Variants in DNTT observed in about 807,000 individuals in gnomAD.
The protein encoded by DNTT is nucleosidetriphosphate:DNA deoxynucleotidylexotransferase.
Under a neutral mutation model 60.9 loss-of-function variants are expected in DNTT, and 47 were observed. The observed-to-expected ratio is 0.77, with a 90% CI of 0.61 to 0.98. The LOEUF is 0.98. Ranked by LOEUF, DNTT falls within the 50% of genes least tolerant of loss-of-function variation. The pLI is 0.00. For synonymous variants in DNTT, 224 were observed against 221.2 expected (o/e 1.01, Z -0.11); for missense variants, 665 against 627.5 (o/e 1.06, Z -0.64).
intron 1 of DNTT, among the ~76,000 whole-genome samples, chr10:96,310,700 G>A (rs1844705436): frequency 1.3e-5 from 2 of 152,188 alleles, no homozygotes; most frequent in South Asian, 2.1e-4. Context: ...CAAGCCACGT[G>A]TAGACCTCAG....
chr10:96,328,925 C>A, intron 8 of DNTT, 95 bp downstream of exon 8: 1 of 1,192,298 alleles, frequency 8.4e-7, no homozygotes, highest in Non-Finnish European at 1.2e-6. Flanking sequence ...TAATGACCAT[C>A]TAATCAATTC....
At chr10:96,319,137 C>A in intron 2 of DNTT, 125 bp from the exon 3 acceptor site, 3 of 1,050,216 alleles carry the variant, frequency 2.9e-6, no homozygotes, top group South Asian at 4.1e-5. Context: ...ATGTATATAA[C>A]ATAAATTTTG....
chr10:96,336,003 T>C (rs994282275), intron 10 of DNTT, 29 bp downstream of exon 10: 6 of 1,610,418 alleles, frequency 3.7e-6, no homozygotes, highest in Admixed American at 1.7e-5. Flanking sequence ...AAGGGGCTAC[T>C]TTGATCCTCA....
In DNTT at chr10:96,313,205, G is replaced by C. The variant is rs146063785; in HGVS notation, c.204-5147G>C. On this transcript the variant is annotated intron_variant, in intron 1 of 10. Coordinates refer to ENST00000371174, the MANE Select transcript of DNTT (RefSeq NM_004088.4). ...AAATTAGGAGAAGATTGAATTCACT[G>C]ATATTTTGGAAATAGCCATCTCAGC... Among the ~76,000 whole-genome samples the C allele has an allele frequency of 6.3e-3, 959 of 152,274 alleles. 7 individuals carry two copies. Among genetic ancestry groups the C allele is most frequent in the African/African-American group, 0.021 (868 of 41,548 alleles).
At chr10:96,338,079 C>T in intron 10 of DNTT, 59 bp from the exon 11 acceptor site, 1 of 1,466,878 alleles carries the variant, frequency 6.8e-7, no homozygotes, top group Non-Finnish European at 9.4e-7. Flanking sequence ...TTCACTGTGT[C>T]CACACCATGG....
At chr10:96,324,794 G>C (rs1444244523) in intron 6 of DNTT, among the ~76,000 whole-genome samples, 1 of 152,210 alleles carries the variant, frequency 6.6e-6, no homozygotes, top group Non-Finnish European at 1.5e-5. Flanking sequence ...GGTCCTGGCT[G>C]TCTCCCTGGG....
intron 1 of DNTT, among the ~76,000 whole-genome samples, chr10:96,308,434 A>T (rs1487598354): frequency 6.6e-6 from 1 of 152,230 alleles, no homozygotes; most frequent in Non-Finnish European, 1.5e-5. Context: ...TTCCATGGCT[A>T]ACTTCCTAAA....
Position 96,318,433 on chromosome 10 carries a change from C to G in DNTT, c.285C>G (p.Val95=), listed in dbSNP as rs150564632. The change falls in exon 2 of 11, where the codon GTC becomes GTG. Residue 95 remains valine (V), a synonymous_variant. Coordinates refer to ENST00000371174, the MANE Select transcript of DNTT (RefSeq NM_004088.4). ...LEWLQAQKVQ[V]SSQPELLDVS... is the part of the protein sequence containing the mutation. ...GGCTTCAAGCACAGAAAGTACAAGT[C>G]AGCTCACAACCAGAGCTCCTCGATG... 1.2e-6 allele frequency: 2 copies of G among 1,613,966 alleles called. No individual in the cohort carries two copies. The highest frequency in any genetic ancestry group is 1.1e-5 in the South Asian group (1 of 91,052).
At chr10:96,320,903 A>AT (rs1202850385) in intron 4 of DNTT, 115 bp downstream of exon 4, 7 of 1,281,302 alleles carry the variant, frequency 5.5e-6, no homozygotes, top group Middle Eastern at 2.2e-4. Context: ...TACATCACAA[A>AT]TTTTCCTTTA....
At position 96,328,759 on chromosome 10, in the gene DNTT, A is replaced by C. The variant is rs1425092897; in HGVS notation, c.1042A>C (p.Ile348Leu). 6.2e-7 allele frequency: 1 copy of C among 1,613,950 alleles called. No individual in the cohort carries two copies. Among genetic ancestry groups the C allele is most frequent in the Admixed American group, 1.7e-5 (1 of 60,016 alleles). ...KKMGHDVDFL[I>L]TSPGSTEDEE... ...GATGGGGCATGATGTAGATTTTTTA[A>C]TTACCAGCCCAGGATCAACAGAGGA... The change falls in exon 8 of 11, where the codon ATT becomes CTT. Residue 348 changes from isoleucine to leucine, a missense_variant. By Grantham distance (5) the Ile-to-Leu change is conservative. Coordinates refer to ENST00000371174, the MANE Select transcript of DNTT (RefSeq NM_004088.4).
intron 1 of DNTT, among the ~76,000 whole-genome samples, chr10:96,311,278 T>C (rs977249076): frequency 5.9e-5 from 9 of 152,298 alleles, no homozygotes; most frequent in African/African-American, 2.2e-4. Context: ...ATAAGTCCTA[T>C]ATCAGATGGG....
At chr10:96,305,666 G>A (rs556464209) in intron 1 of DNTT, among the ~76,000 whole-genome samples, 2 of 152,300 alleles carry the variant, frequency 1.3e-5, no homozygotes, top group South Asian at 2.1e-4. Flanking sequence ...CATTTTGATT[G>A]TATAAATAGT....
chr10:96,326,311 T>C (rs1347164332), intron 6 of DNTT, among the ~76,000 whole-genome samples: 1 of 151,536 alleles, frequency 6.6e-6, no homozygotes. Flanking sequence ...TTTTTAGAAA[T>C]GTGGCTTTTT....
rs777925709 is a variant in DNTT, at chr10:96,320,708, T to G, written c.598T>G (p.Ser200Ala). 6.2e-6 allele frequency: 10 copies of G among 1,613,818 alleles called. No homozygotes were observed. In the South Asian group the frequency reaches 6.6e-5, roughly 11 times the overall value. The change falls in exon 4 of 11, where the codon TCT becomes GCT. Residue 200 changes from serine (S) to alanine (A), a missense_variant. By Grantham distance (99) the Ser-to-Ala change is moderately conservative. Transcript: ENST00000371174. ...TFMRAASVLK[S>A]LPFTIISMKD... is the part of the protein sequence containing the mutation. ...TATGAGAGCAGCTTCTGTATTGAAA[T>G]CTCTGCCATTCACAATCATCAGTAT... is the stretch of plus-strand genomic sequence containing the variant.
chr10:96,314,391 C>T (rs1462260682), intron 1 of DNTT, among the ~76,000 whole-genome samples: 1 of 104,064 alleles, frequency 9.6e-6, no homozygotes, highest in Non-Finnish European at 2.2e-5. Flanking sequence ...ATTTCCAAGG[C>T]TATCTCTTCC....
At chr10:96,324,880 C>G (rs1589374397) in intron 6 of DNTT, among the ~76,000 whole-genome samples, 1 of 152,226 alleles carries the variant, frequency 6.6e-6, no homozygotes, top group Non-Finnish European at 1.5e-5. Flanking sequence ...TTGCCTGGCA[C>G]AAATGTGAAG....
chr10:96,331,381 G>A (rs1479146199), intron 8 of DNTT, among the ~76,000 whole-genome samples: 1 of 152,202 alleles, frequency 6.6e-6, no homozygotes, highest in Non-Finnish European at 1.5e-5. Flanking sequence ...TTGGCCCATG[G>A]TTCTGCAGGA....
intron 1 of DNTT, among the ~76,000 whole-genome samples, chr10:96,317,926 C>T (rs564135756): frequency 6.6e-6 from 1 of 152,192 alleles, no homozygotes; most frequent in Non-Finnish European, 1.5e-5. Flanking sequence ...TACTTTGGAT[C>T]ATAATATAAA....
At chr10:96,337,237 A>G (rs1169697015) in intron 10 of DNTT, among the ~76,000 whole-genome samples, 8 of 152,182 alleles carry the variant, frequency 5.3e-5, no homozygotes, top group African/African-American at 1.2e-4. Context: ...TAGTTCCCCC[A>G]AGAATCCTAC....
Sources: allele counts gnomAD v4.1 joint callset (sites outside exome capture counted in the v4.1 genomes callset), GRCh38; gene constraint gnomAD v4.1.1; transcripts MANE v1.5; gene names NCBI Gene and HGNC (gene_info 2026-07-23, HGNC 2026-07-21).